ARHGAP24: variants seen among roughly 807,000 people sequenced by gnomAD.
ARHGAP24 encodes rho GTPase-activating protein 24.
Under a neutral mutation model 76.4 loss-of-function variants are expected in ARHGAP24, and 50 were observed. The ratio of observed to expected loss-of-function variants is 0.65; its 90% CI spans 0.52 to 0.83. The LOEUF is 0.83. Among genes scored for constraint, ARHGAP24 ranks in the 40% least tolerant of loss-of-function variants. The pLI is 0.00. For synonymous variants in ARHGAP24, 345 were observed against 323.3 expected (o/e 1.07, Z -0.72); for missense variants, 930 against 914.2 (o/e 1.02, Z -0.22).
At chr4:85,817,448 G>C (rs950074289) in intron 3 of ARHGAP24, among the ~76,000 whole-genome samples, 1 of 152,072 alleles carries the variant, frequency 6.6e-6, no homozygotes, top group South Asian at 2.1e-4. Flanking sequence ...GTGAGTTAAG[G>C]GTCCAATTTC....
intron 1 of ARHGAP24, among the ~76,000 whole-genome samples, chr4:85,477,310 G>T (rs551616933): frequency 6.6e-6 from 1 of 152,228 alleles, no homozygotes; most frequent in East Asian, 1.9e-4. Context: ...TTTGAGATGA[G>T]GTGGTTTCTC....
Position 85,901,362 on chromosome 4 carries a change from C to A in ARHGAP24, c.269-22286C>A, listed in dbSNP as rs1407808411. On this transcript the variant is annotated intron_variant, in intron 3 of 9. Transcript: ENST00000395184. ...CTAGTTAGTATTCATTATGGAAGCC[C>A]AAGAGGGAAAACAAACAAACAAACA... 3.3e-5 allele frequency among the ~76,000 whole-genome samples: 5 copies of A among 151,288 alleles called. No homozygotes were observed. The East Asian group carries it at 7.7e-4, about 23-fold the overall frequency.
chr4:85,809,258 T>G (rs1440591726), intron 3 of ARHGAP24, among the ~76,000 whole-genome samples: 1 of 152,196 alleles, frequency 6.6e-6, no homozygotes, highest in Non-Finnish European at 1.5e-5. Context: ...TTTTATATTA[T>G]GTACTAAAAT....
Position 85,942,176 on chromosome 4 carries a change from C to T in ARHGAP24, c.502C>T (p.Leu168=), listed in dbSNP as rs1736991316. ...CGTGGACTTTATCCGACAAAGGGGG[C>T]TGAAAGAAGAGGGTCTCTTTCGACT... ...QCVDFIRQRG[L]KEEGLFRLPG... The change falls in exon 5 of 10, where the codon CTG becomes TTG. Residue 168 remains leucine, a synonymous_variant. Transcript: ENST00000395184. 6.2e-7 allele frequency: 1 copy of T among 1,614,036 alleles called. No individual in the cohort carries two copies. The highest frequency in any genetic ancestry group is 8.5e-7 in the Non-Finnish European group (1 of 1,179,992).
At chr4:85,532,086 T>G (rs111534736) in intron 1 of ARHGAP24, among the ~76,000 whole-genome samples, 1,470 of 138,004 alleles carry the variant, frequency 0.011, 13 homozygotes, top group East Asian at 0.051. Flanking sequence ...AGCAACTCAG[T>G]CATGTGCAGT....
intron 3 of ARHGAP24, among the ~76,000 whole-genome samples, chr4:85,798,761 A>T (rs17010960): frequency 0.08 from 12,120 of 152,276 alleles, 777 homozygotes; most frequent in East Asian, 0.29. Context: ...TGATAGTTAA[A>T]AATTGTAGCA....
intron 4 of ARHGAP24, among the ~76,000 whole-genome samples, chr4:85,927,429 T>C (rs976345553): frequency 2.0e-5 from 3 of 152,154 alleles, no homozygotes; most frequent in Admixed American, 6.5e-5. Flanking sequence ...TGGTTGCAAG[T>C]ATCTGTGAAT....
intron 2 of ARHGAP24, among the ~76,000 whole-genome samples, chr4:85,697,957 C>T (rs1723932745): frequency 6.6e-6 from 1 of 152,150 alleles, no homozygotes; most frequent in African/African-American, 2.4e-5. Context: ...ATTTCATGTT[C>T]ATTGTTTAAT....
intron 1 of ARHGAP24, among the ~76,000 whole-genome samples, chr4:85,539,073 T>C (rs1246004392): frequency 6.6e-6 from 1 of 152,188 alleles, no homozygotes; most frequent in Non-Finnish European, 1.5e-5. Flanking sequence ...TGAGAGGTTT[T>C]TTTACACAAT....
intron 1 of ARHGAP24, among the ~76,000 whole-genome samples, chr4:85,536,289 C>T (rs1188352160): frequency 6.6e-6 from 1 of 152,082 alleles, no homozygotes; most frequent in Non-Finnish European, 1.5e-5. Context: ...AACACATAAA[C>T]CCTTCTTCTC....
intron 1 of ARHGAP24, among the ~76,000 whole-genome samples, chr4:85,538,325 C>T (rs967972645): frequency 2.0e-5 from 3 of 152,068 alleles, no homozygotes; most frequent in African/African-American, 4.8e-5. Flanking sequence ...TTTGAGTACA[C>T]CGTAGTTATA....
intron 1 of ARHGAP24, among the ~76,000 whole-genome samples, chr4:85,508,025 T>A (rs1724133850): frequency 6.6e-6 from 1 of 151,414 alleles, no homozygotes; most frequent in African/African-American, 2.4e-5. Context: ...GACATTTTTA[T>A]ATCTCCTTTG....
intron 3 of ARHGAP24, among the ~76,000 whole-genome samples, chr4:85,907,210 G>C (rs753579326): frequency 5.3e-5 from 8 of 152,164 alleles, no homozygotes; most frequent in Middle Eastern, 3.4e-3. Flanking sequence ...ATGTTTCTAG[G>C]TTCCAAGAAA....
chr4:85,547,726 G>A (rs923755256), intron 1 of ARHGAP24, among the ~76,000 whole-genome samples: 1 of 152,194 alleles, frequency 6.6e-6, no homozygotes, highest in East Asian at 1.9e-4. Context: ...TTGAGCCACT[G>A]TGCCTGGCTG....
At chr4:85,680,005 C>G (rs1723142044) in intron 2 of ARHGAP24, among the ~76,000 whole-genome samples, 1 of 152,174 alleles carries the variant, frequency 6.6e-6, no homozygotes, top group South Asian at 2.1e-4. Context: ...AATTTTTCCT[C>G]TCTGCTTCTA....
intron 2 of ARHGAP24, among the ~76,000 whole-genome samples, chr4:85,573,026 G>A (rs911480105): frequency 1.3e-5 from 2 of 151,632 alleles, no homozygotes; most frequent in South Asian, 2.1e-4. Flanking sequence ...ACATGAGTGC[G>A]CCACCACACC....
intron 2 of ARHGAP24, among the ~76,000 whole-genome samples, chr4:85,656,899 T>C (rs1208957108): frequency 6.6e-6 from 1 of 152,210 alleles, no homozygotes; most frequent in East Asian, 1.9e-4. Context: ...TTGTTTAACT[T>C]CGCTCCTTTC....
At chr4:85,596,462 T>C (rs535928342) in intron 2 of ARHGAP24, among the ~76,000 whole-genome samples, 1 of 152,154 alleles carries the variant, frequency 6.6e-6, no homozygotes, top group African/African-American at 2.4e-5. Flanking sequence ...CCAGTGATGT[T>C]TGTGTAAGTG....
At chr4:85,861,833 A>G (rs987250459) in intron 3 of ARHGAP24, among the ~76,000 whole-genome samples, 1 of 152,018 alleles carries the variant, frequency 6.6e-6, no homozygotes, top group Admixed American at 6.6e-5. Context: ...TCCGAACACT[A>G]TACATGTGCA....
Sources: gnomAD v4.1 joint callset for allele counts (sites outside exome capture counted in the v4.1 genomes callset) on GRCh38, gnomAD v4.1.1 for gene constraint, MANE v1.5 for transcripts, NCBI Gene and HGNC (gene_info 2026-07-23, HGNC 2026-07-21) for gene names.